The following CARF variants were observed in gnomAD, a reference collection of about 807,000 sequenced individuals.
The protein encoded by CARF is calcium-responsive transcription factor.
A neutral mutation model predicts 82.0 loss-of-function variants in CARF; 57 were observed. The observed-to-expected ratio is 0.70, with a 90% CI of 0.56 to 0.87. The LOEUF is 0.87. Ranked by LOEUF, CARF falls within the 40% of genes least tolerant of loss-of-function variation. The probability of loss-of-function intolerance (pLI) is 0.00; values close to 1 mark genes in which losing one functional copy is unlikely to be tolerated. For missense variants in CARF, 771 were observed against 855.8 expected, an observed-to-expected ratio of 0.90 and a Z score of 1.24; for synonymous variants, 268 against 290.1, an observed-to-expected ratio of 0.92 and a Z score of 0.77.
intron 10 of CARF, among the ~76,000 whole-genome samples, chr2:202,967,707 A>G (rs550976751): frequency 3.9e-5 from 6 of 152,312 alleles, no homozygotes; most frequent in South Asian, 4.1e-4. Context: ...ATATTTGTGC[A>G]CTCCTACAAG....
chr2:202,979,440 C>T (rs2060157406), intron 14 of CARF, among the ~76,000 whole-genome samples: 1 of 151,912 alleles, frequency 6.6e-6, no homozygotes, highest in Non-Finnish European at 1.5e-5. Context: ...CTGTTTAGTC[C>T]TCTCAGTGGT....
chr2:202,980,958 T>C (rs2060239195), intron 14 of CARF, among the ~76,000 whole-genome samples: 1 of 152,020 alleles, frequency 6.6e-6, no homozygotes, highest in Non-Finnish European at 1.5e-5. Context: ...CTGGAACCAG[T>C]CTTCCATGGA....
intron 3 of CARF, 92 bp from the exon 4 acceptor site, chr2:202,941,768 C>A (rs2058240382): frequency 3.4e-6 from 2 of 593,386 alleles, no homozygotes; most frequent in South Asian, 2.2e-5. Context: ...ATATAGGGTA[C>A]CACAGTAGTG....
intron 4 of CARF, among the ~76,000 whole-genome samples, chr2:202,942,189 C>A (rs985386071): frequency 1.3e-5 from 2 of 151,688 alleles, no homozygotes; most frequent in African/African-American, 2.4e-5. Flanking sequence ...GCCTGGCCAA[C>A]ATGGTGAAAC....
intron 1 of CARF, 88 bp downstream of exon 1, chr2:202,913,190 A>G (rs1439390563): frequency 6.6e-6 from 1 of 152,194 alleles, no homozygotes; most frequent in Non-Finnish European, 1.5e-5. Flanking sequence ...GTTTAAATGA[A>G]CGCCTAATAT....
intron 8 of CARF, among the ~76,000 whole-genome samples, chr2:202,958,280 T>TGTG (rs2059145709): frequency 6.6e-6 from 1 of 151,016 alleles, no homozygotes; most frequent in African/African-American, 2.4e-5. Flanking sequence ...TGTGTGTGTG[T>TGTG]AGTTTTAGCT....
chr2:202,944,111 C>T (rs1466708501), intron 5 of CARF, among the ~76,000 whole-genome samples: 3 of 152,048 alleles, frequency 2.0e-5, no homozygotes, highest in African/African-American at 7.2e-5. Flanking sequence ...ATGTGTGCCA[C>T]GTGAGTAATA....
chr2:202,953,094 ACTG>A (rs1276951718), intron 6 of CARF, among the ~76,000 whole-genome samples: 2 of 151,980 alleles, frequency 1.3e-5, no homozygotes, highest in African/African-American at 2.4e-5. Context: ...ATCTCGGCTT[ACTG>A]CAACCTCTGA....
At position 202,975,431 on chromosome 2, in the gene CARF, G is replaced by A. The variant is rs536654788; in HGVS notation, c.1494+935G>A. Among the ~76,000 whole-genome samples, 5 of 150,992 alleles carry A rather than the reference G, an allele frequency of 3.3e-5. No homozygotes were observed. In the South Asian group the frequency reaches 8.4e-4, roughly 25 times the overall value. ...TGCACTCCAGCCTGGGCAACAGAGC[G>A]AGACTCCGTCTAAAAAAAGAAAAAA... On this transcript the variant is annotated intron_variant, in intron 13 of 16. Transcript: ENST00000438828.
In CARF at chr2:202,985,794, A is replaced by G. The variant is rs547026638; in HGVS notation, c.*2170A>G. 6.8e-4 allele frequency: 104 copies of G among 152,260 alleles called. No homozygotes were observed. The highest frequency in any genetic ancestry group is 2.4e-3 in the African/African-American group (99 of 41,580). 9.4% of individuals were successfully genotyped at this position (152,260 alleles called of 1,614,324 possible). A position where few individuals can be genotyped will look rare whatever the true frequency, so the allele number is the denominator to read the frequency against. On this transcript the variant is annotated 3_prime_UTR_variant, in exon 17 of 17. Coordinates refer to ENST00000438828, the MANE Select transcript of CARF (RefSeq NM_024744.17). ...TGGTTTATTATTAGCTGTTTCACCAATTGAACTACATTCTTTTGGAGACAT... is the reference window on the plus strand; with the variant it reads ...TGGTTTATTATTAGCTGTTTCACCAGTTGAACTACATTCTTTTGGAGACAT...
At chr2:202,952,905 C>T (rs1182797924) in intron 6 of CARF, among the ~76,000 whole-genome samples, 3 of 152,094 alleles carry the variant, frequency 2.0e-5, no homozygotes, top group African/African-American at 4.8e-5. Flanking sequence ...TGATTGACTC[C>T]TGCTTCCTCC....
chr2:202,945,936 A>G (rs1022391578), intron 5 of CARF, among the ~76,000 whole-genome samples: 1 of 152,216 alleles, frequency 6.6e-6, no homozygotes, highest in Admixed American at 6.5e-5. Context: ...CAGAAAGTAT[A>G]TAAGTGTTCT....
At chr2:202,962,451 A>G (rs943462220) in intron 9 of CARF, 13 of 152,208 alleles carry the variant, frequency 8.5e-5, no homozygotes, top group African/African-American at 3.1e-4. Context: ...TGATCATGCC[A>G]CTGAACTTCA....
intron 3 of CARF, among the ~76,000 whole-genome samples, chr2:202,926,968 C>G (rs1341220265): frequency 2.0e-5 from 3 of 152,144 alleles, no homozygotes; most frequent in Non-Finnish European, 4.4e-5. Flanking sequence ...CATGCACCAC[C>G]ATGCCCAGCT....
intron 8 of CARF, among the ~76,000 whole-genome samples, chr2:202,957,006 C>T (rs1287866856): frequency 1.3e-5 from 2 of 152,156 alleles, no homozygotes; most frequent in Non-Finnish European, 2.9e-5. Flanking sequence ...TCAGGCTGGT[C>T]TCGAACTCCC....
intron 8 of CARF, 44 bp from the exon 9 acceptor site, chr2:202,961,193 G>T: frequency 6.8e-7 from 1 of 1,465,952 alleles, no homozygotes; most frequent in Non-Finnish European, 9.4e-7. Context: ...ATTATGCAAT[G>T]AAGTGTATTG....
At chr2:202,917,343 G>T (rs1262512470) in intron 1 of CARF, among the ~76,000 whole-genome samples, 1 of 151,486 alleles carries the variant, frequency 6.6e-6, no homozygotes, top group African/African-American at 2.4e-5. Context: ...GCAATTTGCC[G>T]GCAAAATTTA....
At chr2:202,954,786 G>A (rs752778696) in intron 7 of CARF, among the ~76,000 whole-genome samples, 2 of 151,192 alleles carry the variant, frequency 1.3e-5, no homozygotes, top group African/African-American at 2.4e-5. Context: ...AAGGCAGGCG[G>A]ATCACGAGGT....
rs776617971 is a variant in CARF at position 202,982,323 on chromosome 2, G to A, written c.1941G>A (p.Glu647=). ...EPDQNLVAMD[E]LVEVGDVEDT... is the part of the protein sequence containing the mutation. ...ATCAAAATCTAGTTGCAATGGACGA[G>A]CTGGTAGAAGTTGGAGATGTTGAGG... The change falls in exon 16 of 17, where the codon GAG becomes GAA. Residue 647 remains glutamate (E), a synonymous_variant. Transcript: ENST00000438828. 1.2e-6 allele frequency: 2 copies of A among 1,614,158 alleles called. No individual in the cohort carries two copies. The highest frequency in any genetic ancestry group is 2.2e-5 in the South Asian group (2 of 91,086).
Sources: gnomAD v4.1 joint callset for allele counts (sites outside exome capture counted in the v4.1 genomes callset) on GRCh38, gnomAD v4.1.1 for gene constraint, MANE v1.5 for transcripts, NCBI Gene and HGNC (gene_info 2026-07-23, HGNC 2026-07-21) for gene names.